PRKG1: variants seen among roughly 807,000 people sequenced by gnomAD.
PRKG1 encodes the protein cGMP-dependent protein kinase 1.
PRKG1 carries 35 observed loss-of-function variants against 88.1 expected under a neutral mutation model. The observed-to-expected ratio is 0.40, with a 90% CI of 0.30 to 0.53. The LOEUF (loss-of-function observed/expected upper bound fraction) is 0.53, where lower values mean the gene tolerates loss of function less well. Among genes scored for constraint, PRKG1 ranks in the 20% least tolerant of loss-of-function variants. The pLI is 0.59. For synonymous variants in PRKG1, 303 were observed against 292.5 expected (o/e 1.04, Z -0.37); for missense variants, 540 against 839.8 (o/e 0.64, Z 4.41).
At chr10:51,158,962 G>A (rs1161031003) in intron 2 of PRKG1, among the ~76,000 whole-genome samples, 8 of 151,952 alleles carry the variant, frequency 5.3e-5, no homozygotes, top group African/African-American at 1.7e-4. Flanking sequence ...TTATTGAACT[G>A]AGACTTCACT....
At chr10:52,276,999 T>C (rs377398791) in intron 12 of PRKG1, among the ~76,000 whole-genome samples, 152 of 152,254 alleles carry the variant, frequency 1.0e-3, no homozygotes, top group African/African-American at 3.4e-3. Flanking sequence ...ACAAATATAT[T>C]TATATGTGAA....
intron 9 of PRKG1, among the ~76,000 whole-genome samples, chr10:52,239,871 C>T (rs1375814015): frequency 6.6e-6 from 1 of 152,122 alleles, no homozygotes; most frequent in Non-Finnish European, 1.5e-5. Context: ...CCCCCTTCAC[C>T]ATTGTCTCTT....
At chr10:52,191,208 C>A (rs967503282) in intron 9 of PRKG1, among the ~76,000 whole-genome samples, 18 of 152,156 alleles carry the variant, frequency 1.2e-4, no homozygotes, top group Non-Finnish European at 1.9e-4. Context: ...GGCTGGAGTG[C>A]AGTGTCCTGA....
At chr10:51,263,993 T>G (rs1273031227) in intron 2 of PRKG1, among the ~76,000 whole-genome samples, 4 of 152,218 alleles carry the variant, frequency 2.6e-5, no homozygotes, top group African/African-American at 9.6e-5. Context: ...GATATGGAAA[T>G]TTTCTTTGAA....
chr10:51,719,046 C>T (rs1020688987), intron 3 of PRKG1, among the ~76,000 whole-genome samples: 3 of 151,934 alleles, frequency 2.0e-5, no homozygotes, highest in African/African-American at 7.3e-5. Context: ...CTCAAGAGGC[C>T]CCTGAGAAGG....
At chr10:52,116,200 A>G (rs1467477073) in intron 7 of PRKG1, among the ~76,000 whole-genome samples, 1 of 152,154 alleles carries the variant, frequency 6.6e-6, no homozygotes, top group Non-Finnish European at 1.5e-5. Context: ...GTTTGTTTCC[A>G]TATTAAGTTA....
intron 1 of PRKG1, among the ~76,000 whole-genome samples, chr10:51,034,597 A>C (rs1407505028): frequency 6.8e-6 from 1 of 147,956 alleles, no homozygotes; most frequent in African/African-American, 2.5e-5. Flanking sequence ...AAATAGAGGA[A>C]TTTATACTTA....
intron 2 of PRKG1, among the ~76,000 whole-genome samples, chr10:51,460,981 C>G (rs1302487385): frequency 1.3e-5 from 2 of 151,936 alleles, no homozygotes; most frequent in African/African-American, 2.4e-5. Context: ...GTTGAGATAC[C>G]TTGATAAGTA....
At chr10:51,477,288 G>C (rs1840224387) in intron 3 of PRKG1, among the ~76,000 whole-genome samples, 1 of 150,292 alleles carries the variant, frequency 6.7e-6, no homozygotes, top group South Asian at 2.1e-4. Flanking sequence ...GGAAAGAAAG[G>C]AAAGACAGAA....
chr10:51,344,595 C>T (rs1242764251), intron 2 of PRKG1, among the ~76,000 whole-genome samples: 1 of 152,032 alleles, frequency 6.6e-6, no homozygotes, highest in Non-Finnish European at 1.5e-5. Flanking sequence ...TGGTATTTGA[C>T]AAGATGACTG....
chr10:51,309,001 C>A lies in PRKG1; in HGVS notation c.478+155671C>A, dbSNP rs190474421. Among the ~76,000 whole-genome samples, 22 of 152,198 alleles carry A rather than the reference C, an allele frequency of 1.4e-4. No individual in the cohort carries two copies. The East Asian group carries it at 3.5e-3, about 24-fold the overall frequency. ...CAACTGCTGCTGCCCATGTGAAGTT[C>A]TAATCCTGGGGTAATGTAATCAAAA... On this transcript the variant is annotated intron_variant, in intron 2 of 17. Transcript: ENST00000373980.
chr10:52,227,629 C>A (rs1295538290), intron 9 of PRKG1, among the ~76,000 whole-genome samples: 3 of 152,010 alleles, frequency 2.0e-5, no homozygotes, highest in South Asian at 2.1e-4. Context: ...TGGAACTAGT[C>A]CCCCATGATT....
At chr10:51,839,493 C>T (rs1484761060) in intron 4 of PRKG1, among the ~76,000 whole-genome samples, 1 of 152,114 alleles carries the variant, frequency 6.6e-6, no homozygotes, top group Non-Finnish European at 1.5e-5. Context: ...AAATGTTATG[C>T]TCAATAGAAA....
chr10:51,792,668 A>G (rs1034127952), intron 3 of PRKG1, among the ~76,000 whole-genome samples: 8 of 152,106 alleles, frequency 5.3e-5, no homozygotes, highest in African/African-American at 1.4e-4. Context: ...GGTGTCCGCC[A>G]AAATGGAAAA....
At chr10:51,104,792 CAAT>C (rs1277043594) in intron 1 of PRKG1, among the ~76,000 whole-genome samples, 2 of 151,818 alleles carry the variant, frequency 1.3e-5, no homozygotes, top group Admixed American at 1.3e-4. Context: ...TGCAATGACA[CAAT>C]CTCGGCTTAC....
intron 7 of PRKG1, among the ~76,000 whole-genome samples, chr10:52,126,436 T>C (rs774110135): frequency 6.6e-6 from 1 of 152,186 alleles, no homozygotes; most frequent in Non-Finnish European, 1.5e-5. Context: ...TAATCTTAGT[T>C]ATCTCCTGGT....
intron 1 of PRKG1, among the ~76,000 whole-genome samples, chr10:51,149,694 A>G (rs972210207): frequency 6.6e-6 from 1 of 152,128 alleles, no homozygotes; most frequent in Non-Finnish European, 1.5e-5. Context: ...TTAGAAAAAT[A>G]CTCTATATCC....
chr10:52,113,653 G>A (rs1321639020), intron 7 of PRKG1, among the ~76,000 whole-genome samples: 1 of 152,080 alleles, frequency 6.6e-6, no homozygotes, highest in Non-Finnish European at 1.5e-5. Context: ...GGTAGTAATA[G>A]GAGATTTCTC....
chr10:51,803,242 T>C (rs1839220797), intron 3 of PRKG1, among the ~76,000 whole-genome samples: 1 of 152,246 alleles, frequency 6.6e-6, no homozygotes. Context: ...GTGTCATTTG[T>C]AAAAAAACAT....
Sources: allele counts gnomAD v4.1 joint callset (sites outside exome capture counted in the v4.1 genomes callset), GRCh38; gene constraint gnomAD v4.1.1; transcripts MANE v1.5; gene names NCBI Gene and HGNC (gene_info 2026-07-23, HGNC 2026-07-21).